The following BAZ2B variants were observed in gnomAD, a reference collection of about 807,000 sequenced individuals.
BAZ2B encodes bromodomain adjacent to zinc finger domain 2B, also known as bromodomain adjacent to zinc finger domain protein 2B.
Under a neutral mutation model 246.0 loss-of-function variants are expected in BAZ2B, and 91 were observed. That is an observed-to-expected ratio of 0.37 (90% CI 0.31 to 0.44). The LOEUF is 0.44. Ranked by LOEUF, BAZ2B falls within the 20% of genes least tolerant of loss-of-function variation. The probability of loss-of-function intolerance (pLI) is 1.00; values close to 1 mark genes in which losing one functional copy is unlikely to be tolerated. For missense variants in BAZ2B, 2,332 were observed against 2,533.7 expected, an observed-to-expected ratio of 0.92 and a Z score of 1.71; for synonymous variants, 855 against 860.0, an observed-to-expected ratio of 0.99 and a Z score of 0.10.
At chr2:159,672,712 G>C in the BAZ2B span, among the ~76,000 whole-genome samples, 1 of 152,126 alleles carries the variant, frequency 6.6e-6, no homozygotes, top group Non-Finnish European at 1.5e-5. Flanking sequence ...GACAAGTATA[G>C]ATTTAGAAAT....
intron 27 of BAZ2B, among the ~76,000 whole-genome samples, chr2:159,370,308 TTAAAGTATAATAAAAA>T (rs2060687592): frequency 6.9e-6 from 1 of 145,214 alleles, no homozygotes; most frequent in Non-Finnish European, 1.5e-5. Context: ...ACCCTAGAAC[TTAAAGTATAATAAAAA>T]TATATATTTA....
At chr2:159,455,281 G>A (rs192989459) in intron 3 of BAZ2B, among the ~76,000 whole-genome samples, 30 of 152,152 alleles carry the variant, frequency 2.0e-4, no homozygotes, top group Non-Finnish European at 3.7e-4. Context: ...CCAAGGGAAA[G>A]TCCTAAAAAA....
intron 27 of BAZ2B, among the ~76,000 whole-genome samples, chr2:159,363,342 G>T (rs528587614): frequency 6.6e-6 from 1 of 152,150 alleles, no homozygotes; most frequent in South Asian, 2.1e-4. Flanking sequence ...CTGTGTTAGC[G>T]TAATTATAAG....
chr2:159,511,683 T>C (rs1379959366), intron 2 of BAZ2B, among the ~76,000 whole-genome samples: 2 of 152,186 alleles, frequency 1.3e-5, no homozygotes, highest in African/African-American at 4.8e-5. Flanking sequence ...AACTAAGTGA[T>C]ACACAAACAT....
chr2:159,389,035 A>T lies in BAZ2B; in HGVS notation c.3216+310T>A, dbSNP rs115386947. Among the ~76,000 whole-genome samples the T allele has an allele frequency of 5.9e-4, 90 of 152,232 alleles. 1 individual carries two copies. The highest frequency in any genetic ancestry group is 1.8e-3 in the African/African-American group (73 of 41,562). Reference sequence around the variant, plus strand: ...CGAGAAGTTGAGGCTTCAGTGAGCTATAATCCTGCCACTGCCCTCTCTCCA... The same window carrying T: ...CGAGAAGTTGAGGCTTCAGTGAGCTTTAATCCTGCCACTGCCCTCTCTCCA... On this transcript the variant is annotated intron_variant, in intron 21 of 36. Transcript: ENST00000392783.
intron 1 of BAZ2B, among the ~76,000 whole-genome samples, chr2:159,582,373 A>T (rs930995634): frequency 5.9e-5 from 9 of 152,220 alleles, no homozygotes; most frequent in Non-Finnish European, 1.3e-4. Context: ...TAATACAAAT[A>T]AGTAGCCACC....
Position 159,337,624 on chromosome 2 carries a change from T to C in BAZ2B, c.5603A>G (p.Asn1868Ser), listed in dbSNP as rs766603841. ...CCTGGTTACAGCTATATCTAGGGGG[T>C]TGTCACTCTTCCGTTCTAGTGCATG... The part of the protein sequence containing the change: ...SAHALERKSD[N>S]PLDIAVTRLA... The change falls in exon 32 of 37, where the codon AAC becomes AGC. Residue 1868 changes from asparagine to serine, a missense_variant. Transcript: ENST00000392783. The C allele has an allele frequency of 3.1e-6, 5 of 1,614,056 alleles. No individual in the cohort carries two copies. Among genetic ancestry groups the C allele is most frequent in the Non-Finnish European group, 3.4e-6 (4 of 1,180,018 alleles).
intron 2 of BAZ2B, among the ~76,000 whole-genome samples, chr2:159,544,364 CAT>C (rs1406396420): frequency 1.3e-5 from 2 of 152,146 alleles, no homozygotes; most frequent in Non-Finnish European, 2.9e-5. Flanking sequence ...TGTTACAATG[CAT>C]ATAGAGAATC....
intron 27 of BAZ2B, among the ~76,000 whole-genome samples, chr2:159,357,627 A>G (rs1355950358): frequency 1.3e-5 from 2 of 152,108 alleles, no homozygotes; most frequent in South Asian, 2.1e-4. Context: ...CCACAAAGAT[A>G]CTCCTTGAGA....
intron 20 of BAZ2B, among the ~76,000 whole-genome samples, chr2:159,391,557 A>T (rs1250514575): frequency 6.6e-6 from 1 of 152,138 alleles, no homozygotes; most frequent in Non-Finnish European, 1.5e-5. Flanking sequence ...GAGAAAATCC[A>T]TGTGACACTG....
intron 1 of BAZ2B, among the ~76,000 whole-genome samples, chr2:159,612,105 A>G (rs1477725285): frequency 6.6e-6 from 1 of 151,982 alleles, no homozygotes; most frequent in East Asian, 1.9e-4. Flanking sequence ...AAATCATTAA[A>G]TGTCTACTAG....
At chr2:159,484,157 C>T (rs926415925) in intron 2 of BAZ2B, among the ~76,000 whole-genome samples, 1 of 152,188 alleles carries the variant, frequency 6.6e-6, no homozygotes, top group Admixed American at 6.5e-5. Flanking sequence ...TCTTCCCCTA[C>T]AGAATTATCC....
At chr2:159,500,953 CA>C (rs1352376997) in intron 2 of BAZ2B, among the ~76,000 whole-genome samples, 57 of 115,468 alleles carry the variant, frequency 4.9e-4, no homozygotes, top group Admixed American at 4.8e-4. Flanking sequence ...GACTCTGTCT[CA>C]AAAAAAAAAA....
At position 159,438,307 on chromosome 2, in the gene BAZ2B, T is replaced by C. The variant is rs1415384024; in HGVS notation, c.1289A>G (p.Lys430Arg). 6.2e-7 allele frequency: 1 copy of C among 1,611,596 alleles called. No individual in the cohort carries two copies. The highest frequency in any genetic ancestry group is 8.5e-7 in the Non-Finnish European group (1 of 1,179,270). ...TATAAATAATTTGTAACTCACCCGTTTGGATCTCAATTCACTGGTCAATAA... is the reference window on the plus strand; with the variant it reads ...TATAAATAATTTGTAACTCACCCGTCTGGATCTCAATTCACTGGTCAATAA... Reference protein sequence around the residue: ...SSLLTSELRSKREQYKQAFPS... With the variant: ...SSLLTSELRSRREQYKQAFPS... The change falls in exon 8 of 37, where the codon AAA becomes AGA. Residue 430 changes from lysine to arginine, a missense_variant. Physicochemically the swap from Lys to Arg is conservative, Grantham distance 26 (BLOSUM62 2). This residue lies in a region of BAZ2B where 651 missense variants were observed against 650.9 expected (regional missense o/e 1.00). Coordinates refer to ENST00000392783, the MANE Select transcript of BAZ2B (RefSeq NM_013450.4).
Position 159,427,996 on chromosome 2 carries a change from C to G in BAZ2B, c.2411G>C (p.Ser804Thr), listed in dbSNP as rs756567864. The change falls in exon 13 of 37, where the codon AGC becomes ACC. Residue 804 changes from serine (S) to threonine (T), a missense_variant. Physicochemically the swap from Ser to Thr is moderately conservative, Grantham distance 58 (BLOSUM62 1). Coordinates refer to ENST00000392783, the MANE Select transcript of BAZ2B (RefSeq NM_013450.4). ...ACCCACTCTTATTTTTGCACTGAAGCTGAAATTGTCCCTTGAGATATCCAT... is the reference window on the plus strand; with the variant it reads ...ACCCACTCTTATTTTTGCACTGAAGGTGAAATTGTCCCTTGAGATATCCAT... Reference protein sequence around the residue: ...GIMDISRDNFSFSAKIRVGDF... With the variant: ...GIMDISRDNFTFSAKIRVGDF... The G allele has an allele frequency of 1.2e-6, 2 of 1,613,500 alleles. No homozygotes were observed. Among genetic ancestry groups the G allele is most frequent in the Non-Finnish European group, 1.7e-6 (2 of 1,179,542 alleles).
the BAZ2B span, among the ~76,000 whole-genome samples, chr2:159,637,292 C>T: frequency 6.6e-6 from 1 of 152,184 alleles, no homozygotes; most frequent in Non-Finnish European, 1.5e-5. Flanking sequence ...TGGACCTGCC[C>T]TGGGAGGGGC....
chr2:159,491,429 G>A (rs1212413752), intron 2 of BAZ2B, among the ~76,000 whole-genome samples: 1 of 152,046 alleles, frequency 6.6e-6, no homozygotes, highest in African/African-American at 2.4e-5. Context: ...AGTATTAAAA[G>A]TCTTCTGTTG....
At position 159,385,327 on chromosome 2, in the gene BAZ2B, T is replaced by C; in HGVS notation, c.3514A>G (p.Asn1172Asp). 4 of 1,613,224 alleles carry C rather than the reference T, an allele frequency of 2.5e-6. No individual in the cohort carries two copies. Among genetic ancestry groups the C allele is most frequent in the Non-Finnish European group, 3.4e-6 (4 of 1,179,602 alleles). Residue 1172 changes from asparagine to aspartate, a missense_variant, in exon 23 of 37, where the codon AAT becomes GAT. By Grantham distance (23) the Asn-to-Asp change is conservative. Around this residue, in one of 9 missense-constraint regions of BAZ2B, gnomAD observed 328 missense variants for 410.4 expected, o/e 0.80. Transcript: ENST00000392783. ...AAAATCTCGGAAACATTGTCTCGAT[T>C]CACACCAACATTCAGCAAATGTTCT... Reference protein sequence around the residue: ...LGEHLLNVGVNRDNVSEILQI... With the variant: ...LGEHLLNVGVDRDNVSEILQI...
At chr2:159,446,222 G>A (rs1402727374) in intron 6 of BAZ2B, among the ~76,000 whole-genome samples, 1 of 152,106 alleles carries the variant, frequency 6.6e-6, no homozygotes, top group African/African-American at 2.4e-5. Flanking sequence ...GCAAGAAGTG[G>A]CAAAGAAGAA....
Sources: allele counts gnomAD v4.1 joint callset (sites outside exome capture counted in the v4.1 genomes callset), GRCh38; gene constraint gnomAD v4.1.1; regional missense constraint gnomAD v4.1.1; transcripts MANE v1.5; gene names NCBI Gene and HGNC (gene_info 2026-07-23, HGNC 2026-07-21).